ODAD1: variants seen among roughly 807,000 people sequenced by gnomAD.
ODAD1 encodes the protein outer dynein arm docking complex subunit 1.
In ODAD1, 49 loss-of-function variants were observed where a neutral mutation model predicts 67.2. The observed-to-expected ratio is 0.73, with a 90% CI of 0.58 to 0.92. ODAD1 has a LOEUF of 0.92. Ranked by LOEUF, ODAD1 falls within the 40% of genes least tolerant of loss-of-function variation. ODAD1 has a pLI of 0.00. For missense variants in ODAD1, 897 were observed against 953.7 expected (o/e 0.94, Z 0.78); for synonymous variants, 345 against 393.7 (o/e 0.88, Z 1.46).
chr19:48,309,575 C>T (rs1968705673), intron 7 of ODAD1, among the ~76,000 whole-genome samples: 1 of 152,312 alleles, frequency 6.6e-6, no homozygotes, highest in South Asian at 2.1e-4. Context: ...ATCTTGCTCA[C>T]GCTCCACTTG....
At chr19:48,303,547 C>T (rs1051598680) in intron 10 of ODAD1, 103 bp downstream of exon 10, 15 of 1,412,772 alleles carry the variant, frequency 1.1e-5, no homozygotes, top group Non-Finnish European at 1.5e-5. Flanking sequence ...TCCTCCAGCA[C>T]AGATGGAGGA....
Position 48,304,102 on chromosome 19 carries a change from C to T in ODAD1, c.704G>A (p.Arg235His), listed in dbSNP as rs372835806. Reference sequence around the variant, plus strand: ...GCTCTGGGCCTCCTCTTTCTCCGCGCGCTCCCGCAGCAAGCCCATCTTGGC... The same window carrying T: ...GCTCTGGGCCTCCTCTTTCTCCGCGTGCTCCCGCAGCAAGCCCATCTTGGC... ...AKAKMGLLRE[R>H]AEKEEAQSEM... is the part of the protein sequence containing the mutation. Residue 235 changes from arginine to histidine, a missense_variant, in exon 9 of 16, where the codon CGC (arginine) becomes CAC (histidine). By Grantham distance (29) the Arg-to-His change is conservative. Coordinates refer to ENST00000674294, the MANE Select transcript of ODAD1 (RefSeq NM_001364171.2). 40 of 1,613,404 alleles carry T rather than the reference C, an allele frequency of 2.5e-5. No homozygotes were observed. Among genetic ancestry groups the T allele is most frequent in the South Asian group, 4.4e-5 (4 of 91,074 alleles).
chr19:48,305,491 G>A (rs561868806), intron 8 of ODAD1, among the ~76,000 whole-genome samples: 7 of 148,066 alleles, frequency 4.7e-5, no homozygotes, highest in East Asian at 2.1e-4. Flanking sequence ...TGCAACCTCC[G>A]CCCCCAGGGC....
At chr19:48,315,944 G>A (rs1968886881) in intron 5 of ODAD1, among the ~76,000 whole-genome samples, 1 of 152,054 alleles carries the variant, frequency 6.6e-6, no homozygotes, top group African/African-American at 2.4e-5. Context: ...TTCAGTTTTC[G>A]ATTTTACAAA....
At chr19:48,301,973 G>A (rs968387678) in intron 12 of ODAD1, among the ~76,000 whole-genome samples, 3 of 151,948 alleles carry the variant, frequency 2.0e-5, no homozygotes, top group Admixed American at 2.0e-4. Flanking sequence ...GGGACAGATG[G>A]AGGTATAGAA....
chr19:48,321,249 A>G (rs1166292734), intron 1 of ODAD1, among the ~76,000 whole-genome samples: 1 of 152,178 alleles, frequency 6.6e-6, no homozygotes, highest in African/African-American at 2.4e-5. Flanking sequence ...AAAAACAAAC[A>G]AACAAACAAA....
intron 5 of ODAD1, among the ~76,000 whole-genome samples, chr19:48,314,505 G>C (rs1346041921): frequency 6.6e-6 from 1 of 152,174 alleles, no homozygotes; most frequent in Non-Finnish European, 1.5e-5. Flanking sequence ...TTTTGAGGAA[G>C]ACCTTGATAT....
Position 48,303,054 on chromosome 19 carries a change from G to C in ODAD1, c.1030C>G (p.Gln344Glu), listed in dbSNP as rs772732549. ...NFAEFNFINE[Q>E]NLELEHVQEE... ...TGCACATGCTCCAGCTCCAAGTTCT[G>C]CTCGTTGATGAAGTTGAACTCAGCA... Residue 344 changes from glutamine (Q) to glutamate (E), a missense_variant, in exon 11 of 16, where the codon CAG becomes GAG. Transcript: ENST00000674294. 8.7e-6 allele frequency: 14 copies of C among 1,614,152 alleles called. No individual in the cohort carries two copies. The highest frequency in any genetic ancestry group is 1.1e-5 in the South Asian group (1 of 91,088).
intron 7 of ODAD1, among the ~76,000 whole-genome samples, chr19:48,310,607 A>G (rs1316109748): frequency 6.6e-6 from 1 of 152,230 alleles, no homozygotes; most frequent in Non-Finnish European, 1.5e-5. Context: ...ATTGTCAAAC[A>G]GTTCAGCATT....
intron 12 of ODAD1, among the ~76,000 whole-genome samples, chr19:48,301,713 CAGATGGAGGGATAGACCCT>C (rs1182331707): frequency 2.0e-5 from 3 of 151,554 alleles, no homozygotes; most frequent in Non-Finnish European, 4.4e-5. Flanking sequence ...GGACATGGGA[CAGATGGAGGGATAGACCCT>C]GGATGGATGG....
chr19:48,314,259 A>C (rs1001004465), intron 5 of ODAD1, among the ~76,000 whole-genome samples: 1 of 152,342 alleles, frequency 6.6e-6, no homozygotes, highest in Middle Eastern at 3.4e-3. Flanking sequence ...AGAAGCAGAG[A>C]GAGAGAGGCA....
chr19:48,312,468 G>A (rs928148004), intron 5 of ODAD1, among the ~76,000 whole-genome samples: 2 of 127,242 alleles, frequency 1.6e-5, no homozygotes, highest in African/African-American at 5.9e-5. Flanking sequence ...AGGCTGGAGT[G>A]TGCAGTGGCG....
intron 5 of ODAD1, among the ~76,000 whole-genome samples, chr19:48,316,377 CAA>C (rs777896204): frequency 7.8e-6 from 1 of 128,818 alleles, no homozygotes; most frequent in Non-Finnish European, 1.7e-5. Context: ...GAGACTTCGT[CAA>C]AAAAAAAAAA....
At chr19:48,315,083 T>G (rs1423184544) in intron 5 of ODAD1, among the ~76,000 whole-genome samples, 3 of 152,126 alleles carry the variant, frequency 2.0e-5, no homozygotes, top group African/African-American at 7.2e-5. Flanking sequence ...CTTTTATTTT[T>G]TCTTTTTTTT....
Position 48,296,988 on chromosome 19 carries a change from G to C in ODAD1, c.2112C>G (p.Asp704Glu), listed in dbSNP as rs540743866. Residue 704 changes from aspartate to glutamate, a missense_variant, in exon 16 of 16, where the codon GAC becomes GAG. Physicochemically the swap from Asp to Glu is conservative, Grantham distance 45 (BLOSUM62 2). Coordinates refer to ENST00000674294, the MANE Select transcript of ODAD1 (RefSeq NM_001364171.2). ...CGTGCCCCTCGTGTTAGCCCCGGGA[G>C]TCTTTGCTGGTGGAGGAGCCCGGGC... ...STGPGSSTSKDSRG is the reference protein window; with the variant it reads ...STGPGSSTSKESRG The C allele has an allele frequency of 6.2e-7, 1 of 1,603,454 alleles. No homozygotes were observed. Among genetic ancestry groups the C allele is most frequent in the South Asian group, 1.1e-5 (1 of 90,184 alleles).
In ODAD1 at chr19:48,304,051, C is replaced by A; in HGVS notation, c.755G>T (p.Arg252Leu). Residue 252 changes from arginine (R) to leucine (L), a missense_variant, in exon 9 of 16, where the codon CGG (arginine) becomes CTG (leucine). Transcript: ENST00000674294. Reference protein sequence around the residue: ...QSEMEAQVLQRQILHLEQLHH... With the variant: ...QSEMEAQVLQLQILHLEQLHH... ...CAGCTGCTCCAGGTGCAAGATCTGCCGCTGCAGGACCTGCGCCTCCATCTC... is the reference window on the plus strand; with the variant it reads ...CAGCTGCTCCAGGTGCAAGATCTGCAGCTGCAGGACCTGCGCCTCCATCTC... 6.2e-7 allele frequency: 1 copy of A among 1,614,208 alleles called. No homozygotes were observed. Among genetic ancestry groups the A allele is most frequent in the Non-Finnish European group, 8.5e-7 (1 of 1,180,032 alleles).
chr19:48,298,138 G>A (rs559114844), intron 13 of ODAD1, 39 bp downstream of exon 13: 17 of 1,611,770 alleles, frequency 1.1e-5, no homozygotes, highest in African/African-American at 6.7e-5. Context: ...GGCCACCCCC[G>A]AGACCGGCCT....
chr19:48,304,190 G>C, intron 8 of ODAD1, 50 bp from the exon 9 acceptor site: 1 of 1,540,300 alleles, frequency 6.5e-7, no homozygotes, highest in Non-Finnish European at 8.7e-7. Flanking sequence ...ACTGGGGTCG[G>C]CCTGGGGTCC....
At chr19:48,299,157 C>G (rs932057724) in intron 12 of ODAD1, among the ~76,000 whole-genome samples, 4 of 152,088 alleles carry the variant, frequency 2.6e-5, no homozygotes, top group Non-Finnish European at 5.9e-5. Flanking sequence ...CGCCTGTAAT[C>G]CAGCACTTTG....
Sources: allele counts gnomAD v4.1 joint callset (sites outside exome capture counted in the v4.1 genomes callset), GRCh38; gene constraint gnomAD v4.1.1; transcripts MANE v1.5; gene names NCBI Gene and HGNC (gene_info 2026-07-23, HGNC 2026-07-21).